The following TFPI variants were observed in gnomAD, a reference collection of about 807,000 sequenced individuals.
The protein encoded by TFPI is anti-convertin.
In TFPI, 15 loss-of-function variants were observed where a neutral mutation model predicts 34.6. The observed-to-expected ratio is 0.43, with a 90% CI of 0.29 to 0.67. TFPI has a LOEUF of 0.67. Among genes scored for constraint, TFPI ranks in the 30% least tolerant of loss-of-function variants. The probability of loss-of-function intolerance (pLI) is 0.15; values close to 1 mark genes in which losing one functional copy is unlikely to be tolerated. For missense variants in TFPI, 301 were observed against 364.0 expected (o/e 0.83, Z 1.41); for synonymous variants, 105 against 120.1 (o/e 0.87, Z 0.82).
At position 187,503,536 on chromosome 2, in the gene TFPI, T is replaced by C. The variant is rs192548071; in HGVS notation, c.121+112A>G. On this transcript the variant is annotated intron_variant, in intron 2 of 7. Coordinates refer to ENST00000233156, the MANE Select transcript of TFPI (RefSeq NM_006287.6). Reference sequence around the variant, plus strand: ...TATAATAAATTTCCAAAGAAAAATATCACTTCAATAACAACTAATTTCCCT... The same window carrying C: ...TATAATAAATTTCCAAAGAAAAATACCACTTCAATAACAACTAATTTCCCT... The C allele has an allele frequency of 2.1e-5, 28 of 1,303,958 alleles. No individual in the cohort carries two copies. In the Admixed American group the frequency reaches 6.2e-4, roughly 29 times the overall value. The allele number at this position is 1,303,958 out of a possible 1,614,324, so 80.8% of individuals were successfully genotyped here.
At chr2:187,488,954 G>C (rs899642468) in intron 3 of TFPI, among the ~76,000 whole-genome samples, 1 of 151,478 alleles carries the variant, frequency 6.6e-6, no homozygotes, top group Non-Finnish European at 1.5e-5. Flanking sequence ...TGGAATGTTA[G>C]TTGTCTTTGT....
chr2:187,483,366 C>T (rs1693022032), intron 6 of TFPI, among the ~76,000 whole-genome samples: 1 of 151,824 alleles, frequency 6.6e-6, no homozygotes, highest in African/African-American at 2.4e-5. Flanking sequence ...TTGACATGTT[C>T]ACATGGACTA....
intron 1 of TFPI, among the ~76,000 whole-genome samples, chr2:187,508,894 C>T (rs1686420750): frequency 1.3e-5 from 2 of 152,150 alleles, no homozygotes; most frequent in South Asian, 4.1e-4. Context: ...GGGAATGCTT[C>T]CAGGTTTTGC....
intron 3 of TFPI, 65 bp downstream of exon 3, chr2:187,496,816 C>A: frequency 6.5e-6 from 9 of 1,393,606 alleles, no homozygotes; most frequent in Non-Finnish European, 8.9e-6. Context: ...CCTAAATTAT[C>A]AAATCCATAA....
intron 1 of TFPI, among the ~76,000 whole-genome samples, chr2:187,540,193 G>A (rs1023175737): frequency 6.6e-6 from 1 of 151,994 alleles, no homozygotes; most frequent in Non-Finnish European, 1.5e-5. Context: ...GTGAGTCACC[G>A]CGCCCCGGCC....
chr2:187,496,983 T>C lies in TFPI; in HGVS notation c.217A>G (p.Asn73Asp), dbSNP rs1574427283. 1 of 1,613,400 alleles carries C rather than the reference T, an allele frequency of 6.2e-7. No individual in the cohort carries two copies. Among genetic ancestry groups the C allele is most frequent in the Non-Finnish European group, 8.5e-7 (1 of 1,179,564 alleles). ...TCTTCGCACTGTCGAGTGAAAATAT[T>C]GAAGAAAAATCTTTTCATGATTGCT... ...CKAIMKRFFF[N>D]IFTRQCEEFI... Residue 73 changes from asparagine (N) to aspartate (D), a missense_variant, in exon 3 of 8, where the codon AAT (asparagine) becomes GAT (aspartate). By Grantham distance (23) the Asn-to-Asp change is conservative (BLOSUM62 1). Transcript: ENST00000233156.
intron 1 of TFPI, among the ~76,000 whole-genome samples, chr2:187,538,777 T>G (rs529688697): frequency 6.5e-4 from 99 of 152,288 alleles, no homozygotes; most frequent in African/African-American, 2.3e-3. Context: ...CATAACCTTA[T>G]TTAATGGCTG....
chr2:187,476,787 G>C (rs527891083), intron 6 of TFPI, among the ~76,000 whole-genome samples: 4 of 152,162 alleles, frequency 2.6e-5, no homozygotes, highest in Non-Finnish European at 1.5e-5. Context: ...CCCTACACCA[G>C]TCACTATTAA....
Position 187,513,114 on chromosome 2 carries a change from TA to T in TFPI, c.-2-9345del, listed in dbSNP as rs1388102865. ...TGGATTTTTACCTACATTAAAAGGTTAAAAAAAAGTTTTCTTTTGAAGGCTT... is the reference window on the plus strand; with the variant it reads ...TGGATTTTTACCTACATTAAAAGGTTAAAAAAAGTTTTCTTTTGAAGGCTT... On this transcript the variant is annotated intron_variant, in intron 1 of 7. Coordinates refer to ENST00000233156, the MANE Select transcript of TFPI (RefSeq NM_006287.6). Among the ~76,000 whole-genome samples, 10 of 152,046 alleles carry T rather than the reference TA, an allele frequency of 6.6e-5. No homozygotes were observed. The East Asian group carries it at 7.7e-4, about 12-fold the overall frequency.
intron 7 of TFPI, 26 bp downstream of exon 7, chr2:187,467,727 A>G (rs370592737): frequency 1.3e-6 from 2 of 1,533,196 alleles, no homozygotes; most frequent in African/African-American, 2.7e-5. Context: ...ACACTAGTCA[A>G]TTAATGGGAA....
Position 187,474,328 on chromosome 2 carries a change from G to A in TFPI, c.629-6396C>T, listed in dbSNP as rs8176556. Among the ~76,000 whole-genome samples the A allele has an allele frequency of 4.1e-3, 625 of 152,146 alleles. 2 individuals carry two copies. Among genetic ancestry groups the A allele is most frequent in the African/African-American group, 0.014 (598 of 41,538 alleles). On this transcript the variant is annotated intron_variant, in intron 6 of 7. Transcript: ENST00000233156. ...GGTGAAGGAAAGTGAAAACACAAAG[G>A]TCAGAATGTTTCTGGTTTGCTTGGG... is the stretch of plus-strand genomic sequence containing the variant.
intron 1 of TFPI, among the ~76,000 whole-genome samples, chr2:187,545,928 T>C (rs1559161184): frequency 1.3e-5 from 2 of 151,972 alleles, no homozygotes; most frequent in Non-Finnish European, 2.9e-5. Flanking sequence ...AAGAGAGGAA[T>C]GTGAGTCCTG....
intron 1 of TFPI, chr2:187,514,790 C>T (rs544770054): frequency 6.6e-6 from 1 of 152,340 alleles, no homozygotes; most frequent in Admixed American, 6.5e-5. Context: ...CCTTTCAACT[C>T]TCACATCTAT....
intron 1 of TFPI, among the ~76,000 whole-genome samples, chr2:187,525,466 T>C (rs965137096): frequency 2.0e-5 from 3 of 152,056 alleles, no homozygotes; most frequent in Admixed American, 6.6e-5. Context: ...CCTCTTTCCC[T>C]CTCTCTTTCT....
At chr2:187,470,272 C>T (rs751094302) in intron 6 of TFPI, among the ~76,000 whole-genome samples, 1 of 152,092 alleles carries the variant, frequency 6.6e-6, no homozygotes, top group Non-Finnish European at 1.5e-5. Flanking sequence ...TTAGTTGTTA[C>T]GTCTAAATAG....
At chr2:187,532,501 A>G (rs575968146) in intron 1 of TFPI, among the ~76,000 whole-genome samples, 1 of 152,328 alleles carries the variant, frequency 6.6e-6, no homozygotes, top group Admixed American at 6.5e-5. Context: ...TCCCCTAGCC[A>G]AGGGAAGCCG....
intron 1 of TFPI, among the ~76,000 whole-genome samples, chr2:187,538,024 TCCACAGTGAGATA>T (rs1378913879): frequency 6.6e-6 from 1 of 151,958 alleles, no homozygotes; most frequent in East Asian, 1.9e-4. Flanking sequence ...GCAAATCAAA[TCCACAGTGAGATA>T]CCATCTCACA....
At chr2:187,553,623 G>A (rs567490018) in intron 1 of TFPI, among the ~76,000 whole-genome samples, 4 of 152,024 alleles carry the variant, frequency 2.6e-5, no homozygotes, top group Non-Finnish European at 4.4e-5. Flanking sequence ...AAGTATTCTC[G>A]TTTAAGTATC....
At chr2:187,536,222 A>G (rs1688245523) in intron 1 of TFPI, among the ~76,000 whole-genome samples, 1 of 152,240 alleles carries the variant, frequency 6.6e-6, no homozygotes, top group Admixed American at 6.5e-5. Flanking sequence ...ACTCCTCCCT[A>G]ACTCATTTTA....
Sources: gnomAD v4.1 joint callset for allele counts (sites outside exome capture counted in the v4.1 genomes callset) on GRCh38, gnomAD v4.1.1 for gene constraint, MANE v1.5 for transcripts, NCBI Gene and HGNC (gene_info 2026-07-23, HGNC 2026-07-21) for gene names.